GSDMC: variants seen among roughly 807,000 people sequenced by gnomAD.
The protein encoded by GSDMC is gasdermin-C.
In GSDMC, 59 loss-of-function variants were observed where a neutral mutation model predicts 58.0. That is an observed-to-expected ratio of 1.02 (90% CI 0.82 to 1.26). The LOEUF (loss-of-function observed/expected upper bound fraction) is 1.26, where lower values mean the gene tolerates loss of function less well. GSDMC is among the 50% of genes most tolerant of loss of function. The probability of loss-of-function intolerance (pLI) is 0.00; values close to 1 mark genes in which losing one functional copy is unlikely to be tolerated. For synonymous variants in GSDMC, 241 were observed against 220.2 expected (o/e 1.09, Z -0.83); for missense variants, 659 against 598.5 (o/e 1.10, Z -1.06).
the GSDMC span, chr8:129,730,201 TAGA>T: frequency 1.6e-6 from 2 of 1,223,128 alleles, no homozygotes; most frequent in South Asian, 3.2e-5. Flanking sequence ...AACATGTATC[TAGA>T]AGAAGAAATG....
chr8:129,750,831 T>C (rs1287120295), intron 10 of GSDMC, among the ~76,000 whole-genome samples: 1 of 152,140 alleles, frequency 6.6e-6, no homozygotes, highest in Non-Finnish European at 1.5e-5. Context: ...AAAGACATCA[T>C]CACAAATGGA....
At chr8:129,712,256 A>G in the GSDMC span, among the ~76,000 whole-genome samples, 70,979 of 152,018 alleles carry the variant, frequency 0.47, 17,523 homozygotes, top group East Asian at 0.72. Flanking sequence ...TCTACCTTAG[A>G]AGTTTTATTT....
At chr8:129,740,363 G>A in the GSDMC span, among the ~76,000 whole-genome samples, 1 of 152,096 alleles carries the variant, frequency 6.6e-6, no homozygotes, top group Admixed American at 6.6e-5. Context: ...GACTCACTCA[G>A]AGCAACTTTC....
chr8:129,785,710 A>G (rs1387907254), intron 1 of GSDMC, among the ~76,000 whole-genome samples: 1 of 151,940 alleles, frequency 6.6e-6, no homozygotes, highest in Non-Finnish European at 1.5e-5. Flanking sequence ...AAAATTCCTG[A>G]TGTGACCATT....
the GSDMC span, among the ~76,000 whole-genome samples, chr8:129,724,108 C>G: frequency 1.3e-5 from 2 of 152,194 alleles, no homozygotes; most frequent in African/African-American, 4.8e-5. Context: ...TGAGAGGGCA[C>G]TCAAGCCATC....
At chr8:129,708,468 TAC>T in the GSDMC span, among the ~76,000 whole-genome samples, 1 of 152,176 alleles carries the variant, frequency 6.6e-6, no homozygotes, top group East Asian at 1.9e-4. Flanking sequence ...AGAAAGCAGT[TAC>T]AGTCCTCCTA....
chr8:129,730,048 C>A, the GSDMC span: 2 of 1,191,096 alleles, frequency 1.7e-6, no homozygotes, highest in Non-Finnish European at 1.2e-6. Context: ...AGGAGTATTC[C>A]TTGAAAATAA....
At chr8:129,707,102 T>G in the GSDMC span, 1 of 152,142 alleles carries the variant, frequency 6.6e-6, no homozygotes, top group Non-Finnish European at 1.5e-5. Context: ...GTTGCATCTA[T>G]TTAACTCTGG....
chr8:129,738,719 G>A, the GSDMC span, among the ~76,000 whole-genome samples: 6 of 152,094 alleles, frequency 3.9e-5, no homozygotes, highest in East Asian at 3.9e-4. Flanking sequence ...ACGAGTTAAC[G>A]GGTGCAGCAC....
At position 129,777,444 on chromosome 8, in the gene GSDMC, T is replaced by C; in HGVS notation, c.144A>G (p.Ser48=). The change falls in exon 2 of 14, where the codon TCA becomes TCG. Residue 48 remains serine, a synonymous_variant. Transcript: ENST00000276708. The part of the protein sequence containing the change: ...ILRKKKDSRS[S]FWEQSDYVPV... ...GAACATAGTCAGATTGTTCCCAAAA[T>C]GATGAACGAGAATCCTTCTTCTTTC... 1.9e-6 allele frequency: 3 copies of C among 1,613,826 alleles called. No homozygotes were observed. Among genetic ancestry groups the C allele is most frequent in the Non-Finnish European group, 2.5e-6 (3 of 1,179,684 alleles).
chr8:129,767,900 A>G (rs998855601), intron 3 of GSDMC, among the ~76,000 whole-genome samples: 1 of 152,142 alleles, frequency 6.6e-6, no homozygotes, highest in Non-Finnish European at 1.5e-5. Context: ...ACCCTGAACA[A>G]CAGTACCACA....
chr8:129,745,033 C>T (rs986466645), downstream of GSDMC, among the ~76,000 whole-genome samples: 4 of 152,098 alleles, frequency 2.6e-5, no homozygotes, highest in African/African-American at 9.7e-5. Context: ...GGTTGCCTAC[C>T]CTGACTGTCT....
At position 129,752,588 on chromosome 8, in the gene GSDMC, T is replaced by C. The variant is rs1380548856; in HGVS notation, c.844+110A>G. Reference sequence around the variant, plus strand: ...GAGGAGGATGAGCAAGATGGTGCAATAGAAGCCTACATGGTTCATACACCC... The same window carrying C: ...GAGGAGGATGAGCAAGATGGTGCAACAGAAGCCTACATGGTTCATACACCC... On this transcript the variant is annotated intron_variant, in intron 7 of 13. Transcript: ENST00000276708. The C allele has an allele frequency of 7.5e-6, 11 of 1,464,824 alleles. No homozygotes were observed. In the Admixed American group the frequency reaches 2.3e-4, roughly 31 times the overall value. 90.7% of individuals were successfully genotyped at this position (1,464,824 alleles called of 1,614,324 possible).
intron 1 of GSDMC, among the ~76,000 whole-genome samples, chr8:129,782,828 A>G (rs2034452077): frequency 6.6e-6 from 1 of 152,086 alleles, no homozygotes; most frequent in Non-Finnish European, 1.5e-5. Context: ...TTAAAAATAG[A>G]CAAAGAGGGG....
chr8:129,770,536 C>T (rs954157076), intron 3 of GSDMC, among the ~76,000 whole-genome samples: 7 of 151,856 alleles, frequency 4.6e-5, no homozygotes, highest in Admixed American at 6.6e-5. Flanking sequence ...AAAATTAATC[C>T]CCCCAAAATT....
intron 5 of GSDMC, 128 bp downstream of exon 5, chr8:129,762,498 A>T: frequency 1.4e-6 from 1 of 712,542 alleles, no homozygotes; most frequent in Non-Finnish European, 2.5e-6. Context: ...AGAAATGTGC[A>T]TGCTTCTCCT....
chr8:129,737,720 C>T, the GSDMC span, among the ~76,000 whole-genome samples: 7 of 152,122 alleles, frequency 4.6e-5, no homozygotes, highest in Non-Finnish European at 1.0e-4. Context: ...TAGAAGAAAA[C>T]CTAGGCAACA....
intron 1 of GSDMC, among the ~76,000 whole-genome samples, chr8:129,780,286 A>G (rs1044050276): frequency 3.9e-5 from 6 of 152,210 alleles, no homozygotes; most frequent in Non-Finnish European, 8.8e-5. Flanking sequence ...TACAAGGTAC[A>G]AGAAGATAAT....
chr8:129,780,607 T>C (rs2034375938), intron 1 of GSDMC, among the ~76,000 whole-genome samples: 1 of 152,132 alleles, frequency 6.6e-6, no homozygotes, highest in African/African-American at 2.4e-5. Context: ...CTGAGAGATT[T>C]CATCAACACC....
Sources: gnomAD v4.1 joint callset for allele counts (sites outside exome capture counted in the v4.1 genomes callset) on GRCh38, gnomAD v4.1.1 for gene constraint, MANE v1.5 for transcripts, NCBI Gene and HGNC (gene_info 2026-07-23, HGNC 2026-07-21) for gene names.